The following APC variants were observed in gnomAD, a reference collection of about 807,000 sequenced individuals.
The protein encoded by APC is adenomatous polyposis coli protein.
APC carries 72 observed loss-of-function variants against 247.0 expected under a neutral mutation model. The ratio of observed to expected loss-of-function variants is 0.29; its 90% confidence interval spans 0.24 to 0.35. APC has a LOEUF of 0.35. APC is among the 10% of genes least tolerant of loss of function. The probability of loss-of-function intolerance (pLI) is 1.00; values close to 1 mark genes in which losing one functional copy is unlikely to be tolerated. For synonymous variants in APC, 1,254 were observed against 1,162.5 expected, an observed-to-expected ratio of 1.08 and a Z score of -1.60; for missense variants, 3,400 against 3,360.7, an observed-to-expected ratio of 1.01 and a Z score of -0.29.
chr5:112,838,260 A>AAGTCATGGAAGAAGTGTC lies in APC; in HGVS notation c.2669_2686dup (p.Val890_Ser895dup). On this transcript the variant is annotated inframe_insertion, in exon 16 of 16. Transcript: ENST00000257430. The stretch of plus-strand genomic sequence containing the variant: ...TCCACCACTGCAGCCCAGATTGCCA[A>AAGTCATGGAAGAAGTGTC]AGTCATGGAAGAAGTGTCAGCCATT... 1 of 1,614,220 alleles carries AAGTCATGGAAGAAGTGTC rather than the reference A, an allele frequency of 6.2e-7. No individual in the cohort carries two copies. The highest frequency in any genetic ancestry group is 8.5e-7 in the Non-Finnish European group (1 of 1,180,044).
rs1368757942 is a variant in APC at position 112,722,878 on chromosome 5, CAT to C, written c.165+14997_165+14998del. Among the ~76,000 whole-genome samples the C allele has an allele frequency of 2.6e-5, 4 of 152,136 alleles. No homozygotes were observed. The East Asian group carries it at 7.8e-4, about 30-fold the overall frequency. On this transcript the variant is annotated intron_variant, in intron 1 of 13. Transcript: ENST00000507379. Reference sequence around the variant, plus strand: ...TCCTCTTGGCTTTTTATGGAGGCCTCATTGCATAGGTATGATTGACAACCATG... The same window carrying C: ...TCCTCTTGGCTTTTTATGGAGGCCTCTGCATAGGTATGATTGACAACCATG...
intron 14 of APC, chr5:112,829,292 C>T: frequency 3.5e-6 from 1 of 281,868 alleles, no homozygotes; most frequent in Non-Finnish European, 6.9e-6. Flanking sequence ...TGCACGCCAC[C>T]ACTCCCGGCT....
intron 1 of APC, among the ~76,000 whole-genome samples, chr5:112,713,187 C>A (rs936799409): frequency 1.6e-4 from 20 of 126,414 alleles, no homozygotes; most frequent in South Asian, 1.1e-3. Context: ...AAAAAAAAAA[C>A]CAGTATCTCA....
rs67622085 is a variant in APC, at chr5:112,839,920, T to A, written c.4326T>A (p.Pro1442=). The change falls in exon 16 of 16, where the codon CCT becomes CCA. Residue 1442 remains proline (P), a synonymous_variant. Coordinates refer to ENST00000257430, the MANE Select transcript of APC (RefSeq NM_000038.6). The surrounding 1 kb of genome is among the most constrained non-coding windows in gnomAD (Gnocchi z 5.0). ...PPSRSKTPPP[P]PQTAQTKREV... is the part of the protein sequence containing the mutation. ...GCAGAAGTAAAACACCTCCACCACC[T>A]CCTCAAACAGCTCAAACCAAGCGAG... 0.011 allele frequency: 17,659 copies of A among 1,613,842 alleles called. 111 individuals carry two copies. The highest frequency in any genetic ancestry group is 0.013 in the Non-Finnish European group (15,763 of 1,179,950).
At position 112,838,541 on chromosome 5, in the gene APC, A is replaced by C. The variant is rs1375575898; in HGVS notation, c.2947A>C (p.Ile983Leu). The C allele has an allele frequency of 6.2e-7, 1 of 1,614,248 alleles. No homozygotes were observed. Among genetic ancestry groups the C allele is most frequent in the Non-Finnish European group, 8.5e-7 (1 of 1,180,034 alleles). ...TAAAAGAGGTCAAATGAAACCCTCG[A>C]TTGAATCCTATTCTGAAGATGATGA... ...YGKRGQMKPS[I>L]ESYSEDDESK... Residue 983 changes from isoleucine to leucine, a missense_variant, in exon 16 of 16, where the codon ATT (isoleucine) becomes CTT (leucine). Around this residue, in one of 9 missense-constraint regions of APC, gnomAD observed 715 missense variants for 656.6 expected, o/e 1.09. Transcript: ENST00000257430.
intron 1 of APC, among the ~76,000 whole-genome samples, chr5:112,719,501 G>A (rs949333250): frequency 4.7e-5 from 7 of 150,312 alleles, no homozygotes; most frequent in Non-Finnish European, 8.9e-5. Context: ...GGGATTACAG[G>A]TGTGAGCCAC....
chr5:112,772,306 G>A (rs1011675628), intron 4 of APC, among the ~76,000 whole-genome samples: 1 of 152,102 alleles, frequency 6.6e-6, no homozygotes, highest in Non-Finnish European at 1.5e-5. Flanking sequence ...AACTGCTGTT[G>A]TGTGAGTCAC....
rs202199891 is a variant in APC at position 112,827,969 on chromosome 5, T to C, written c.1589T>C (p.Val530Ala). Reference sequence around the variant, plus strand: ...ATGAAAGGCTGCATGAGAGCACTTGTGGCCCAACTAAAATCTGAAAGTGAA... The same window carrying C: ...ATGAAAGGCTGCATGAGAGCACTTGCGGCCCAACTAAAATCTGAAAGTGAA... ...CSMKGCMRAL[V>A]AQLKSESEDL... Residue 530 changes from valine to alanine, a missense_variant, in exon 13 of 16, where the codon GTG becomes GCG. By Grantham distance (64) the Val-to-Ala change is moderately conservative. Coordinates refer to ENST00000257430, the MANE Select transcript of APC (RefSeq NM_000038.6). The C allele has an allele frequency of 7.4e-5, 120 of 1,613,296 alleles. No homozygotes were observed. Among genetic ancestry groups the C allele is most frequent in the Non-Finnish European group, 9.6e-5 (113 of 1,179,948 alleles).
chr5:112,732,999 C>T (rs1752172403), upstream of APC, among the ~76,000 whole-genome samples: 1 of 152,140 alleles, frequency 6.6e-6, no homozygotes, highest in Non-Finnish European at 1.5e-5. Context: ...AGTAGTCAAG[C>T]CTTAGAAAAG....
chr5:112,773,596 A>G (rs909872724), intron 4 of APC, among the ~76,000 whole-genome samples: 2 of 152,218 alleles, frequency 1.3e-5, no homozygotes, highest in Admixed American at 1.3e-4. Context: ...TGTATTATAT[A>G]CTATGTTAAG....
At chr5:112,761,979 A>G (rs1017455021) in intron 2 of APC, among the ~76,000 whole-genome samples, 6 of 152,364 alleles carry the variant, frequency 3.9e-5, no homozygotes, top group Middle Eastern at 3.4e-3. Flanking sequence ...TGCAATACAT[A>G]TATCTGACCA....
chr5:112,740,524 C>CTTT (rs11286305), intron 1 of APC, among the ~76,000 whole-genome samples: 12 of 99,134 alleles, frequency 1.2e-4, no homozygotes, highest in African/African-American at 2.0e-4. Context: ...GTTTTTTTTT[C>CTTT]TTTTTTTTTT....
chr5:112,758,779 T>G (rs1023795684), intron 2 of APC, among the ~76,000 whole-genome samples: 5 of 151,976 alleles, frequency 3.3e-5, no homozygotes, highest in African/African-American at 1.2e-4. Flanking sequence ...AATTTTTGTA[T>G]TTTAGTAGAG....
intron 1 of APC, among the ~76,000 whole-genome samples, chr5:112,747,931 C>T (rs1049010512): frequency 6.6e-6 from 1 of 152,176 alleles, no homozygotes; most frequent in Non-Finnish European, 1.5e-5. Context: ...ATGCTTTAGA[C>T]CACCTGTTTT....
rs1561464319 is a variant in APC, at chr5:112,767,266, G to A, written c.298G>A (p.Glu100Lys). 6.2e-7 allele frequency: 1 copy of A among 1,614,044 alleles called. No individual in the cohort carries two copies. The highest frequency in any genetic ancestry group is 8.5e-7 in the Non-Finnish European group (1 of 1,180,028). ...GTCCCTCCGTTCTTATGGAAGCCGG[G>A]AAGGATCTGTATCAAGCCGTTCTGG... ...KMSLRSYGSREGSVSSRSGEC... is the reference protein window; with the variant it reads ...KMSLRSYGSRKGSVSSRSGEC... Residue 100 changes from glutamate (E) to lysine (K), a missense_variant, in exon 4 of 16, where the codon GAA becomes AAA. Glu to Lys is a moderately conservative substitution (Grantham distance 56). Coordinates refer to ENST00000257430, the MANE Select transcript of APC (RefSeq NM_000038.6).
intron 6 of APC, among the ~76,000 whole-genome samples, 173 bp downstream of exon 6, chr5:112,781,076 A>T (rs2289484): frequency 6.6e-6 from 1 of 152,050 alleles, no homozygotes; most frequent in Admixed American, 6.6e-5. Flanking sequence ...CAATATTCAC[A>T]TAGTTGTGTC....
chr5:112,831,978 C>T (rs1443413234), intron 14 of APC, among the ~76,000 whole-genome samples: 2 of 152,092 alleles, frequency 1.3e-5, no homozygotes, highest in Non-Finnish European at 2.9e-5. Flanking sequence ...ATCTTGAGTT[C>T]CTCCTAATTT....
chr5:112,837,844 A>T lies in APC; in HGVS notation c.2250A>T (p.Pro750=), dbSNP rs376526724. 11 of 1,613,958 alleles carry T rather than the reference A, an allele frequency of 6.8e-6. No homozygotes were observed. The African/African-American group carries it at 1.5e-4, about 22-fold the overall frequency. The change falls in exon 16 of 16, where the codon CCA becomes CCT. Residue 750 remains proline, a synonymous_variant. Transcript: ENST00000257430. ...TTATGTCTCCTGGCTCAAGCTTGCC[A>T]TCTCTTCATGTTAGGAAACAAAAAG... ...ANIMSPGSSL[P]SLHVRKQKAL...
chr5:112,752,587 C>G (rs975265020), intron 1 of APC, among the ~76,000 whole-genome samples: 5 of 152,110 alleles, frequency 3.3e-5, no homozygotes, highest in African/African-American at 1.2e-4. Context: ...TGGTGTGTGG[C>G]AGCTGTAATG....
Sources: allele counts gnomAD v4.1 joint callset (sites outside exome capture counted in the v4.1 genomes callset), GRCh38; gene constraint gnomAD v4.1.1; regional missense constraint gnomAD v4.1.1; non-coding constraint Gnocchi (gnomAD v3.1); transcripts MANE v1.5; gene names NCBI Gene and HGNC (gene_info 2026-07-23, HGNC 2026-07-21).